CDH12: variants seen among roughly 807,000 people sequenced by gnomAD.
CDH12 encodes cadherin 12.
Under a neutral mutation model 74.1 loss-of-function variants are expected in CDH12, and 41 were observed. The ratio of observed to expected loss-of-function variants is 0.55; its 90% CI spans 0.43 to 0.72. The LOEUF (loss-of-function observed/expected upper bound fraction) is 0.72. Ranked by LOEUF, CDH12 falls within the 30% of genes least tolerant of loss-of-function variation. CDH12 has a pLI of 0.00. For synonymous variants in CDH12, 399 were observed against 355.0 expected (o/e 1.12, Z -1.39); for missense variants, 945 against 977.2 (o/e 0.97, Z 0.44).
intron 2 of CDH12, among the ~76,000 whole-genome samples, chr5:22,465,081 C>A (rs866687502): frequency 6.6e-6 from 1 of 151,394 alleles, no homozygotes. Flanking sequence ...AGAGAGAGAA[C>A]TCTGATTTGG....
chr5:21,755,817 T>C lies in CDH12; in HGVS notation c.1659A>G (p.Arg553=), dbSNP rs752816297. 6.2e-7 allele frequency: 1 copy of C among 1,614,102 alleles called. No individual in the cohort carries two copies. Among genetic ancestry groups the C allele is most frequent in the Non-Finnish European group, 8.5e-7 (1 of 1,179,966 alleles). Residue 553 remains arginine (R), a synonymous_variant, in exon 14 of 15, where the codon CGA becomes CGG. Coordinates refer to ENST00000382254, the MANE Select transcript of CDH12 (RefSeq NM_004061.5). The part of the protein sequence containing the change: ...FRNNTAGIET[R]RNGYSRRQQE... ...GCTGCCTGCGGCTGTATCCATTTCT[T>C]CGGGTTTCAATCCCCGCTGTGTTGT...
At position 22,212,639 on chromosome 5, in the gene CDH12, ACTGT is replaced by A. The variant is rs1751607557; in HGVS notation, c.-332_-329del. The A allele has an allele frequency of 2.0e-6, 2 of 981,286 alleles. No individual in the cohort carries two copies. 60.8% of individuals were successfully genotyped at this position (981,286 alleles called of 1,614,324 possible). The stretch of plus-strand genomic sequence containing the variant: ...TTTTCCCTGTTATGTTGAGCTCCTC[ACTGT>A]CTAAGGAGAGAAAAACATCAGCTGA... On this transcript the variant is annotated splice_region_variant and 5_prime_UTR_variant, in exon 4 of 15. Transcript: ENST00000382254.
chr5:22,647,321 A>AT (rs1196784598), intron 1 of CDH12, among the ~76,000 whole-genome samples: 1 of 151,894 alleles, frequency 6.6e-6, no homozygotes, highest in African/African-American at 2.4e-5. Context: ...TAGTATTAAT[A>AT]TTTAAATTCT....
intron 3 of CDH12, among the ~76,000 whole-genome samples, chr5:22,272,992 C>T (rs1185842048): frequency 6.6e-6 from 1 of 152,086 alleles, no homozygotes. Context: ...ATGCCAGATG[C>T]TTATAAAACC....
chr5:21,908,508 A>G (rs1753735653), intron 6 of CDH12, among the ~76,000 whole-genome samples: 1 of 152,150 alleles, frequency 6.6e-6, no homozygotes, highest in South Asian at 2.1e-4. Context: ...TTGATAATAA[A>G]TATCTTTATT....
chr5:22,730,744 C>CA lies in CDH12; in HGVS notation c.-523+122313dup, dbSNP rs569246462. On this transcript the variant is annotated intron_variant, in intron 1 of 14. Transcript: ENST00000382254. ...TAGAAACCAACAATGGAAAAAAAAT[C>CA]AATTGTAGGAAAAATGATTTTTTTA... Among the ~76,000 whole-genome samples the CA allele has an allele frequency of 7.9e-3, 1,193 of 151,656 alleles. 14 individuals are homozygous for CA. The highest frequency in any genetic ancestry group is 0.013 in the Non-Finnish European group (869 of 67,740).
chr5:22,561,099 A>C (rs1176468719), intron 1 of CDH12, among the ~76,000 whole-genome samples: 1 of 152,190 alleles, frequency 6.6e-6, no homozygotes, highest in Non-Finnish European at 1.5e-5. Flanking sequence ...TTTTAGTTGA[A>C]AAATAAAGGT....
intron 1 of CDH12, among the ~76,000 whole-genome samples, chr5:22,730,781 T>C (rs1031129893): frequency 1.3e-5 from 2 of 151,792 alleles, no homozygotes; most frequent in Non-Finnish European, 2.9e-5. Flanking sequence ...TTTGGGTTAT[T>C]TAAAAGTTCT....
intron 6 of CDH12, among the ~76,000 whole-genome samples, chr5:21,876,022 A>G (rs1197015954): frequency 2.0e-5 from 3 of 149,972 alleles, no homozygotes; most frequent in Non-Finnish European, 2.9e-5. Flanking sequence ...CAGCCTTTGG[A>G]GTAGCTGGGA....
intron 1 of CDH12, among the ~76,000 whole-genome samples, chr5:22,543,620 A>G (rs1738194282): frequency 6.6e-6 from 1 of 152,194 alleles, no homozygotes; most frequent in Admixed American, 6.5e-5. Flanking sequence ...CCTACAGTCT[A>G]GAAAGAAAAT....
chr5:22,047,263 T>A (rs1301231820), intron 5 of CDH12, among the ~76,000 whole-genome samples: 2 of 152,330 alleles, frequency 1.3e-5, no homozygotes, highest in East Asian at 3.9e-4. Context: ...TTCCATGATA[T>A]TCATTCTATT....
intron 3 of CDH12, among the ~76,000 whole-genome samples, chr5:22,390,487 T>G (rs2126415948): frequency 6.6e-6 from 1 of 152,130 alleles, no homozygotes; most frequent in East Asian, 1.9e-4. Context: ...AATACTTTTT[T>G]TATAAGCATC....
chr5:22,578,233 T>C (rs1052943254), intron 1 of CDH12, among the ~76,000 whole-genome samples: 1 of 152,194 alleles, frequency 6.6e-6, no homozygotes, highest in African/African-American at 2.4e-5. Context: ...GCCATAGCTC[T>C]AAGTATCAAT....
chr5:22,747,991 C>T (rs1219549684), intron 1 of CDH12, among the ~76,000 whole-genome samples: 4 of 152,084 alleles, frequency 2.6e-5, no homozygotes, highest in African/African-American at 4.8e-5. Context: ...AGCACACATT[C>T]ACTATAATCA....
chr5:21,837,534 T>G (rs1176523045), intron 8 of CDH12, among the ~76,000 whole-genome samples: 1 of 151,924 alleles, frequency 6.6e-6, no homozygotes, highest in Non-Finnish European at 1.5e-5. Flanking sequence ...TGTGGGAAAT[T>G]CTTTCTTATG....
intron 1 of CDH12, among the ~76,000 whole-genome samples, chr5:22,557,980 G>T (rs189351845): frequency 3.3e-5 from 5 of 152,154 alleles, no homozygotes; most frequent in South Asian, 2.1e-4. Context: ...ACAAGGCAGG[G>T]TATGTTTATT....
rs188186556 is a variant in CDH12, at chr5:22,297,120, C to A, written c.-332-84477G>T. ...CACTGCAATCTCCACTTCCCGGGTTCAAGCGATTCTCTTGCCTCAGCCTCC... is the reference window on the plus strand; with the variant it reads ...CACTGCAATCTCCACTTCCCGGGTTAAAGCGATTCTCTTGCCTCAGCCTCC... On this transcript the variant is annotated intron_variant, in intron 3 of 14. Transcript: ENST00000382254. Among the ~76,000 whole-genome samples the A allele has an allele frequency of 5.5e-3, 832 of 152,100 alleles. 26 individuals are homozygous for A. The highest frequency in any genetic ancestry group is 0.047 in the Admixed American group (710 of 15,266).
At chr5:22,263,925 C>T (rs1381827939) in intron 3 of CDH12, among the ~76,000 whole-genome samples, 1 of 151,886 alleles carries the variant, frequency 6.6e-6, no homozygotes, top group African/African-American at 2.4e-5. Context: ...ATGTGTTCTT[C>T]ACAACTATGC....
chr5:22,681,573 T>C (rs1741495875), intron 1 of CDH12, among the ~76,000 whole-genome samples: 1 of 152,072 alleles, frequency 6.6e-6, no homozygotes, highest in South Asian at 2.1e-4. Context: ...TATTAAACTA[T>C]AAAAGGAGCA....
Sources: gnomAD v4.1 joint callset for allele counts (sites outside exome capture counted in the v4.1 genomes callset) on GRCh38, gnomAD v4.1.1 for gene constraint, MANE v1.5 for transcripts, NCBI Gene and HGNC (gene_info 2026-07-23, HGNC 2026-07-21) for gene names.